Variants in MAN2B1 observed in about 807,000 individuals in gnomAD.
The protein encoded by MAN2B1 is lysosomal alpha-mannosidase.
Under a neutral mutation model 127.5 loss-of-function variants are expected in MAN2B1, and 99 were observed. That is an observed-to-expected ratio of 0.78 (90% CI 0.66 to 0.92). The LOEUF is 0.92. Among genes scored for constraint, MAN2B1 ranks in the 40% least tolerant of loss-of-function variants. The pLI is 0.00. For missense variants in MAN2B1, 1,304 were observed against 1,384.8 expected (o/e 0.94, Z 0.93); for synonymous variants, 573 against 568.8 (o/e 1.01, Z -0.11).
intron 14 of MAN2B1, among the ~76,000 whole-genome samples, chr19:12,653,330 A>G (rs943511894): frequency 9.3e-5 from 14 of 151,072 alleles, no homozygotes; most frequent in African/African-American, 3.4e-4. Flanking sequence ...TATTTTTATT[A>G]GAGACAGGGT....
rs1263852181 is a variant in MAN2B1, at chr19:12,647,616, G to A, written c.2665-18C>T. ...CCTGAGAACTGCGGGAGAGAGGGCG[G>A]GGCTGAGTTGGAGAGGGGCGGGGCC... On this transcript the variant is annotated intron_variant, in intron 21 of 23. Coordinates refer to ENST00000456935, the MANE Select transcript of MAN2B1 (RefSeq NM_000528.4). The surrounding 1 kb of genome is among the most constrained non-coding windows in gnomAD (Gnocchi z 4.9). The A allele has an allele frequency of 6.2e-7, 1 of 1,606,552 alleles. No individual in the cohort carries two copies. Among genetic ancestry groups the A allele is most frequent in the Non-Finnish European group, 8.5e-7 (1 of 1,175,876 alleles).
Position 12,655,008 on chromosome 19 carries a change from C to T in MAN2B1, c.1830+686G>A, listed in dbSNP as rs181338265. On this transcript the variant is annotated intron_variant, in intron 14 of 23. Coordinates refer to ENST00000456935, the MANE Select transcript of MAN2B1 (RefSeq NM_000528.4). Reference sequence around the variant, plus strand: ...TTTCAGACAGGGTTTCACTCTGTTGCCAGGATGGAGTACAGTGGGACAATC... The same window carrying T: ...TTTCAGACAGGGTTTCACTCTGTTGTCAGGATGGAGTACAGTGGGACAATC... Among the ~76,000 whole-genome samples the T allele has an allele frequency of 1.8e-3, 274 of 152,258 alleles. 3 individuals are homozygous for T. Among genetic ancestry groups the T allele is most frequent in the Admixed American group, 6.6e-3 (101 of 15,280 alleles).
In MAN2B1 at chr19:12,656,661, C is replaced by T. The variant is rs763582350; in HGVS notation, c.1554G>A (p.Leu518=). 3.8e-5 allele frequency: 62 copies of T among 1,613,858 alleles called. No individual in the cohort carries two copies. Among genetic ancestry groups the T allele is most frequent in the Non-Finnish European group, 5.2e-5 (61 of 1,179,942 alleles). ...ARFQVIVYNP[L]GRKVNWMVRL... ...GTACCATCCAATTCACCTTCCGCCC[C>T]AGGGGATTATAAACGATGACCTGGA... The change falls in exon 13 of 24, where the codon CTG becomes CTA. Residue 518 remains leucine (L), a synonymous_variant. Transcript: ENST00000456935.
At chr19:12,654,152 C>T (rs978007675) in intron 14 of MAN2B1, among the ~76,000 whole-genome samples, 9 of 151,810 alleles carry the variant, frequency 5.9e-5, no homozygotes, top group African/African-American at 1.7e-4. Flanking sequence ...ACGCCATTCT[C>T]CTGCCTCAGC....
intron 11 of MAN2B1, 56 bp downstream of exon 11, chr19:12,657,390 T>A: frequency 6.9e-7 from 1 of 1,443,708 alleles, no homozygotes; most frequent in Non-Finnish European, 9.4e-7. Context: ...TCCCAGGCCC[T>A]GGCCCCGCCC....
rs1470391256 is a variant in MAN2B1, at chr19:12,657,528, T to G, written c.1337A>C (p.His446Pro). Reference sequence around the variant, plus strand: ...GCGGGAGGTGCCGCTGACGGCGTCGTGATGCTGGAGCACAGCCATCGCCTC... The same window carrying G: ...GCGGGAGGTGCCGCTGACGGCGTCGGGATGCTGGAGCACAGCCATCGCCTC... ...LNEAMAVLQH[H>P]DAVSGTSRQH... is the part of the protein sequence containing the mutation. The change falls in exon 11 of 24, where the codon CAC becomes CCC. Residue 446 changes from histidine to proline, a missense_variant. His to Pro is a moderately conservative substitution (Grantham distance 77, BLOSUM62 -2). Coordinates refer to ENST00000456935, the MANE Select transcript of MAN2B1 (RefSeq NM_000528.4). 2 of 1,565,412 alleles carry G rather than the reference T, an allele frequency of 1.3e-6. No homozygotes were observed. Among genetic ancestry groups the G allele is most frequent in the African/African-American group, 2.7e-5 (2 of 73,914 alleles).
In MAN2B1 at chr19:12,658,298, G is replaced by A; in HGVS notation, c.1156C>T (p.Gln386Ter). The A allele has an allele frequency of 6.2e-7, 1 of 1,614,234 alleles. No individual in the cohort carries two copies. The highest frequency in any genetic ancestry group is 8.5e-7 in the Non-Finnish European group (1 of 1,180,042). ...DFFPYADGPH[Q>*]FWTGYFSSRP... ...CTGGAAAAGTAACCGGTCCAGAACT[G>A]GTGGGGGCCATCCGCGTAAGGGAAG... is the stretch of plus-strand genomic sequence containing the variant. Residue 386 changes from glutamine to a stop codon, truncating the protein, a stop_gained, in exon 9 of 24, where the codon CAG (glutamine) becomes TAG (stop). Coordinates refer to ENST00000456935, the MANE Select transcript of MAN2B1 (RefSeq NM_000528.4). LOFTEE classifies it high-confidence loss of function.
chr19:12,665,510 T>G lies in MAN2B1; in HGVS notation c.278A>C (p.Gln93Pro). ...QYFYGIKNDI[Q>P]HAGVQYILDS... ...CAGGATGTACTGCACACCGGCGTGCTGGATGTCATTCTTGACTGTGGATAA... is the reference window on the plus strand; with the variant it reads ...CAGGATGTACTGCACACCGGCGTGCGGGATGTCATTCTTGACTGTGGATAA... The change falls in exon 3 of 24, where the codon CAG (glutamine) becomes CCG (proline). Residue 93 changes from glutamine (Q) to proline (P), a missense_variant. Gln to Pro is a moderately conservative substitution (Grantham distance 76, BLOSUM62 -1). Transcript: ENST00000456935. The G allele has an allele frequency of 6.2e-7, 1 of 1,614,160 alleles. No homozygotes were observed. The highest frequency in any genetic ancestry group is 8.5e-7 in the Non-Finnish European group (1 of 1,180,030).
rs371812948 is a variant in MAN2B1 at position 12,650,146 on chromosome 19, C to T, written c.2123G>A (p.Arg708Gln). Residue 708 changes from arginine to glutamine, a missense_variant, in exon 17 of 24, where the codon CGG becomes CAG. Coordinates refer to ENST00000456935, the MANE Select transcript of MAN2B1 (RefSeq NM_000528.4). The stretch of plus-strand genomic sequence containing the variant: ...CACCGACCACTCTAGCTCCAGGTGC[C>T]GCTGTCCTGGGTACAGGCGAACCAC... ...SQVVRLYPGQ[R>Q]HLELEWSVGP... 53 of 1,613,978 alleles carry T rather than the reference C, an allele frequency of 3.3e-5. No homozygotes were observed. Among genetic ancestry groups the T allele is most frequent in the Middle Eastern group, 1.6e-4 (1 of 6,084 alleles).
rs1230523125 is a variant in MAN2B1 at position 12,648,219 on chromosome 19, C to G, written c.2620G>C (p.Gly874Arg). 5.7e-6 allele frequency: 9 copies of G among 1,574,368 alleles called. No individual in the cohort carries two copies. The Admixed American group carries it at 1.6e-4, about 28-fold the overall frequency. Residue 874 changes from glycine to arginine, a missense_variant, in exon 21 of 24, where the codon GGT becomes CGT. By Grantham distance (125) the Gly-to-Arg change is moderately radical (BLOSUM62 -2). Coordinates refer to ENST00000456935, the MANE Select transcript of MAN2B1 (RefSeq NM_000528.4). ...VLAPQVVLAP[G>R]GGAAYNLGAP... ...CCGAGATTGTAGGCGGCGCCGCCAC[C>G]CGGGGCCAGCACCACCTGAGGGGCC... is the stretch of plus-strand genomic sequence containing the variant.
chr19:12,647,641 C>A lies in MAN2B1; in HGVS notation c.2665-43G>T. ...GGGCTGAGTTGGAGAGGGGCGGGGC[C>A]TGGATGGAGAAGGGCGGGGCCGAGC... On this transcript the variant is annotated intron_variant, in intron 21 of 23. Coordinates refer to ENST00000456935, the MANE Select transcript of MAN2B1 (RefSeq NM_000528.4). This position sits in a 1 kb window ranked among gnomAD's most constrained non-coding sequence, Gnocchi z 4.9. The A allele has an allele frequency of 6.4e-7, 1 of 1,572,450 alleles. No individual in the cohort carries two copies. Among genetic ancestry groups the A allele is most frequent in the Non-Finnish European group, 8.6e-7 (1 of 1,157,086 alleles).
chr19:12,658,046 T>C lies in MAN2B1; in HGVS notation c.1309+17A>G, dbSNP rs762485011. ...CTTCAGCCGCAAACCTCTTCCCCTC[T>C]TGGGCCCGACACTTACTGAGGGGTG... On this transcript the variant is annotated intron_variant, in intron 10 of 23. Transcript: ENST00000456935. 6.2e-7 allele frequency: 1 copy of C among 1,610,910 alleles called. No individual in the cohort carries two copies.
intron 1 of MAN2B1, 123 bp from the exon 2 acceptor site, chr19:12,665,928 G>A: frequency 2.7e-6 from 2 of 754,568 alleles, no homozygotes; most frequent in Non-Finnish European, 4.6e-6. Context: ...GTGCAGAGGA[G>A]GCCAGGCCCT....
chr19:12,648,234 C>T lies in MAN2B1; in HGVS notation c.2605G>A (p.Val869Met), dbSNP rs1051322269. 4.4e-6 allele frequency: 7 copies of T among 1,591,288 alleles called. No individual in the cohort carries two copies. The highest frequency in any genetic ancestry group is 4.0e-5 in the African/African-American group (3 of 74,198). ...GCGCCGCCACCCGGGGCCAGCACCA[C>T]CTGAGGGGCCAGGACCTCCTGCTCC... ...LAEQEVLAPQ[V>M]VLAPGGGAAY... The change falls in exon 21 of 24, where the codon GTG (valine) becomes ATG (methionine). Residue 869 changes from valine (V) to methionine (M), a missense_variant. Physicochemically the swap from Val to Met is conservative, Grantham distance 21. Coordinates refer to ENST00000456935, the MANE Select transcript of MAN2B1 (RefSeq NM_000528.4).
chr19:12,664,825 G>C lies in MAN2B1; in HGVS notation c.597C>G (p.Gly199=). Residue 199 remains glycine, a synonymous_variant, in exon 4 of 24, where the codon GGC becomes GGG. Transcript: ENST00000456935. ...ACAGCGAGGCCTGCTCCCGAGAGTG[G>C]CCGAAGGGGTCAATGTGCCAGGCCA... The part of the protein sequence containing the change: ...PRVAWHIDPF[G]HSREQASLFA... The C allele has an allele frequency of 6.2e-7, 1 of 1,613,728 alleles. No individual in the cohort carries two copies. The highest frequency in any genetic ancestry group is 8.5e-7 in the Non-Finnish European group (1 of 1,179,916).
In MAN2B1 at chr19:12,648,236, T is replaced by A; in HGVS notation, c.2603A>T (p.Gln868Leu). Residue 868 changes from glutamine to leucine, a missense_variant, in exon 21 of 24, where the codon CAG becomes CTG. Gln to Leu is a moderately radical substitution (Grantham distance 113). Transcript: ENST00000456935. ...GCCGCCACCCGGGGCCAGCACCACC[T>A]GAGGGGCCAGGACCTCCTGCTCCGC... Reference protein sequence around the residue: ...LLAEQEVLAPQVVLAPGGGAA... With the variant: ...LLAEQEVLAPLVVLAPGGGAA... 6.3e-7 allele frequency: 1 copy of A among 1,592,748 alleles called. No homozygotes were observed. Among genetic ancestry groups the A allele is most frequent in the East Asian group, 2.3e-5 (1 of 43,434 alleles).
Position 12,647,573 on chromosome 19 carries a change from G to A in MAN2B1, c.2690C>T (p.Pro897Leu), listed in dbSNP as rs1195402115. 24 of 1,613,970 alleles carry A rather than the reference G, an allele frequency of 1.5e-5. No homozygotes were observed. Among genetic ancestry groups the A allele is most frequent in the East Asian group, 2.2e-5 (1 of 44,858 alleles). The change falls in exon 22 of 24, where the codon CCG (proline) becomes CTG (leucine). Residue 897 changes from proline to leucine, a missense_variant. By Grantham distance (98) the Pro-to-Leu change is moderately conservative. Transcript: ENST00000456935. The surrounding 1 kb of genome is among the most constrained non-coding windows in gnomAD (Gnocchi z 4.9). ...TQFSGLRRDL[P>L]PSVHLLTLAS... ...CAGCGTGAGCAGGTGCACCGAGGGC[G>A]GCAGGTCCCTGCGCAGCCCTGAGAA...
intron 16 of MAN2B1, 134 bp from the exon 17 acceptor site, chr19:12,650,356 TC>T (rs575872127): frequency 2.4e-5 from 15 of 622,964 alleles, no homozygotes; most frequent in South Asian, 5.3e-5. Flanking sequence ...GCCACATAAT[TC>T]TTTTTTTTTT....
intron 6 of MAN2B1, among the ~76,000 whole-genome samples, chr19:12,661,673 A>C (rs1344076592): frequency 6.6e-6 from 1 of 152,022 alleles, no homozygotes; most frequent in Non-Finnish European, 1.5e-5. Flanking sequence ...GTGATGGTGA[A>C]TAGAATAGCA....
Sources: gnomAD v4.1 joint callset for allele counts (sites outside exome capture counted in the v4.1 genomes callset) on GRCh38, gnomAD v4.1.1 for gene constraint, Gnocchi (gnomAD v3.1) non-coding constraint, MANE v1.5 for transcripts, NCBI Gene and HGNC (gene_info 2026-07-23, HGNC 2026-07-21) for gene names.